The following SGCG variants were observed in gnomAD, a reference collection of about 807,000 sequenced individuals.
SGCG encodes the protein sarcoglycan gamma.
A neutral mutation model predicts 29.3 loss-of-function variants in SGCG; 26 were observed. The ratio of observed to expected loss-of-function variants is 0.89; its 90% CI spans 0.65 to 1.23. SGCG has a LOEUF of 1.23. Ranked by LOEUF, SGCG falls within the 50% of genes most tolerant of loss-of-function variation. The pLI is 0.00. For synonymous variants in SGCG, 145 were observed against 129.7 expected (o/e 1.12, Z -0.80); for missense variants, 353 against 356.0 (o/e 0.99, Z 0.07).
chr13:23,179,882 T>C (rs1374684454), upstream of SGCG, among the ~76,000 whole-genome samples: 1 of 152,194 alleles, frequency 6.6e-6, no homozygotes, highest in African/African-American at 2.4e-5. Context: ...TTTTTCTTCA[T>C]TTTTTATTTC....
intron 1 of SGCG, among the ~76,000 whole-genome samples, chr13:23,201,112 G>C (rs1031666924): frequency 1.3e-5 from 2 of 152,190 alleles, no homozygotes; most frequent in African/African-American, 2.4e-5. Flanking sequence ...CAGGGGGATA[G>C]TCAGGTGGCT....
chr13:23,289,294 G>T (rs1031705996), intron 5 of SGCG, among the ~76,000 whole-genome samples: 1 of 152,182 alleles, frequency 6.6e-6, no homozygotes, highest in South Asian at 2.1e-4. Context: ...GGAAGGACAT[G>T]TATTATCTCA....
rs182911628 is a variant in SGCG at position 23,233,776 on chromosome 13, G to A, written c.196-835G>A. On this transcript the variant is annotated intron_variant, in intron 2 of 7. Coordinates refer to ENST00000218867, the MANE Select transcript of SGCG (RefSeq NM_000231.3). Reference sequence around the variant, plus strand: ...ATGGAAGCCAATTCATAGCATGAACGCAGGAAAGGGCCTAAGACTGAACTT... The same window carrying A: ...ATGGAAGCCAATTCATAGCATGAACACAGGAAAGGGCCTAAGACTGAACTT... 2.0e-4 allele frequency among the ~76,000 whole-genome samples: 31 copies of A among 152,268 alleles called. 1 individual carries two copies. In the East Asian group the frequency reaches 3.7e-3, roughly 18 times the overall value.
At chr13:23,279,284 G>A (rs916687538) in intron 4 of SGCG, 75 bp from the exon 5 acceptor site, 29 of 1,369,528 alleles carry the variant, frequency 2.1e-5, no homozygotes, top group South Asian at 1.2e-4. Flanking sequence ...TAGGGTTGAC[G>A]TGGCATGTGT....
the SGCG span, among the ~76,000 whole-genome samples, chr13:23,163,082 C>T: frequency 6.6e-6 from 1 of 152,026 alleles, no homozygotes; most frequent in East Asian, 1.9e-4. Context: ...TGCCAATTTT[C>T]GTAGGTTTTC....
chr13:23,169,149 C>T, the SGCG span, among the ~76,000 whole-genome samples: 44 of 151,882 alleles, frequency 2.9e-4, no homozygotes, highest in African/African-American at 8.2e-4. Context: ...ATTTTTGACC[C>T]CCTTCCCACC....
upstream of SGCG, among the ~76,000 whole-genome samples, chr13:23,179,133 T>A (rs1232047904): frequency 6.6e-6 from 1 of 152,244 alleles, no homozygotes; most frequent in Non-Finnish European, 1.5e-5. Flanking sequence ...AGACTAGATT[T>A]CTTTAAGGTC....
At chr13:23,219,309 AGTGCTGGGATTACAGGC>A (rs1336482985) in intron 2 of SGCG, among the ~76,000 whole-genome samples, 3 of 152,104 alleles carry the variant, frequency 2.0e-5, no homozygotes, top group Non-Finnish European at 4.4e-5. Flanking sequence ...GGCCTCCCAA[AGTGCTGGGATTACAGGC>A]GTGAGCCACC....
At position 23,202,992 on chromosome 13, in the gene SGCG, C is replaced by G. The variant is rs1249505441; in HGVS notation, c.1-703C>G. 6.6e-5 allele frequency among the ~76,000 whole-genome samples: 10 copies of G among 152,122 alleles called. No individual in the cohort carries two copies. The East Asian group carries it at 1.9e-3, about 29-fold the overall frequency. On this transcript the variant is annotated intron_variant, in intron 1 of 7. Transcript: ENST00000218867. ...TTCTTTTTTTTGAGATGGAGTCTCA[C>G]TCTGTCTTCCAGACTGGAGTGCAGT...
chr13:23,284,904 C>T (rs1270031621), intron 5 of SGCG, among the ~76,000 whole-genome samples: 1 of 152,164 alleles, frequency 6.6e-6, no homozygotes, highest in Non-Finnish European at 1.5e-5. Context: ...GACGTCCACT[C>T]CAGCCCCTGT....
At chr13:23,285,821 T>G (rs567727854) in intron 5 of SGCG, among the ~76,000 whole-genome samples, 3 of 152,272 alleles carry the variant, frequency 2.0e-5, no homozygotes, top group Admixed American at 2.0e-4. Flanking sequence ...AGCACCATCC[T>G]TCATGGCACA....
chr13:23,189,877 C>A (rs370254368), intron 1 of SGCG, among the ~76,000 whole-genome samples: 3 of 152,176 alleles, frequency 2.0e-5, no homozygotes, highest in Non-Finnish European at 4.4e-5. Context: ...CCTTCACCCC[C>A]CTGCCCGCTC....
In SGCG at chr13:23,257,501, G is replaced by T. The variant is rs559964909; in HGVS notation, c.385+6784G>T. Among the ~76,000 whole-genome samples, 4 of 152,192 alleles carry T rather than the reference G, an allele frequency of 2.6e-5. No homozygotes were observed. The South Asian group carries it at 6.2e-4, about 24-fold the overall frequency. On this transcript the variant is annotated intron_variant, in intron 4 of 7. Coordinates refer to ENST00000218867, the MANE Select transcript of SGCG (RefSeq NM_000231.3). ...TTTTCTCCCATTCTGTAGGTTGCCTGTTCACTCTGATGGTAGTTTCTTTTG... is the reference window on the plus strand; with the variant it reads ...TTTTCTCCCATTCTGTAGGTTGCCTTTTCACTCTGATGGTAGTTTCTTTTG...
intron 3 of SGCG, among the ~76,000 whole-genome samples, chr13:23,247,878 G>A (rs775549521): frequency 6.8e-6 from 1 of 148,132 alleles, no homozygotes; most frequent in Non-Finnish European, 1.5e-5. Flanking sequence ...TTGAATCCAC[G>A]AGTCTCAGGC....
intron 2 of SGCG, among the ~76,000 whole-genome samples, chr13:23,221,316 CA>C (rs139879395): frequency 0.017 from 2,642 of 152,216 alleles, 70 homozygotes; most frequent in African/African-American, 0.061. Flanking sequence ...TATGAAAGCA[CA>C]AGTTAAAAGT....
intron 3 of SGCG, chr13:23,244,921 T>C (rs1248444148): frequency 1.3e-5 from 2 of 151,848 alleles, no homozygotes; most frequent in Admixed American, 6.6e-5. Context: ...ACCACTGGAG[T>C]GGCACTTAGG....
At chr13:23,243,036 G>A (rs1036950070) in intron 3 of SGCG, among the ~76,000 whole-genome samples, 1 of 152,122 alleles carries the variant, frequency 6.6e-6, no homozygotes, top group Non-Finnish European at 1.5e-5. Flanking sequence ...ATAGATTAAA[G>A]AGCAAGTATA....
chr13:23,285,469 CAA>C (rs2137627689), intron 5 of SGCG, among the ~76,000 whole-genome samples: 1 of 152,294 alleles, frequency 6.6e-6, no homozygotes, highest in East Asian at 1.9e-4. Context: ...TCACCAAGCC[CAA>C]GTGTCCCAGG....
chr13:23,323,007 T>G lies in SGCG; in HGVS notation c.703-1361T>G, dbSNP rs182650073. On this transcript the variant is annotated intron_variant, in intron 7 of 7. Coordinates refer to ENST00000218867, the MANE Select transcript of SGCG (RefSeq NM_000231.3). ...CTGTAGGAATATGGGTGCCAACATT[T>G]TGAAACTACATTACTGTGATATTAA... Among the ~76,000 whole-genome samples the G allele has an allele frequency of 1.6e-3, 243 of 152,198 alleles. 2 individuals are homozygous for G. The highest frequency in any genetic ancestry group is 0.015 in the Admixed American group (229 of 15,294).
Sources: gnomAD v4.1 joint callset for allele counts (sites outside exome capture counted in the v4.1 genomes callset) on GRCh38, gnomAD v4.1.1 for gene constraint, MANE v1.5 for transcripts, NCBI Gene and HGNC (gene_info 2026-07-23, HGNC 2026-07-21) for gene names.